TP63: variants seen among roughly 807,000 people sequenced by gnomAD.
TP63 encodes the protein tumor protein 63.
In TP63, 17 loss-of-function variants were observed where a neutral mutation model predicts 82.8. The ratio of observed to expected loss-of-function variants is 0.21; its 90% CI spans 0.14 to 0.31. The LOEUF is 0.31. Among genes scored for constraint, TP63 ranks in the 10% least tolerant of loss-of-function variants. The pLI is 1.00. For synonymous variants in TP63, 330 were observed against 321.7 expected, an observed-to-expected ratio of 1.03 and a Z score of -0.28; for missense variants, 648 against 895.3, an observed-to-expected ratio of 0.72 and a Z score of 3.52.
chr3:189,691,891 A>G lies in TP63; in HGVS notation c.63-45849A>G, dbSNP rs183111386. Among the ~76,000 whole-genome samples, 43 of 152,338 alleles carry G rather than the reference A, an allele frequency of 2.8e-4. 2 individuals are homozygous for G. Among genetic ancestry groups the G allele is most frequent in the African/African-American group, 1.0e-3 (42 of 41,580 alleles). On this transcript the variant is annotated intron_variant, in intron 1 of 13. Transcript: ENST00000264731. Reference sequence around the variant, plus strand: ...AGAATATCGTACCTAGAACCATTCAAATAGATCATCTTGCCCAAGTCAATT... The same window carrying G: ...AGAATATCGTACCTAGAACCATTCAGATAGATCATCTTGCCCAAGTCAATT...
At chr3:189,664,675 T>G (rs2108659364) in intron 1 of TP63, among the ~76,000 whole-genome samples, 1 of 152,298 alleles carries the variant, frequency 6.6e-6, no homozygotes, top group South Asian at 2.1e-4. Context: ...CTCTTATTTC[T>G]CCTTTAGTTT....
chr3:189,753,483 G>A (rs1419729816), intron 3 of TP63, among the ~76,000 whole-genome samples: 3 of 151,764 alleles, frequency 2.0e-5, no homozygotes, highest in East Asian at 3.9e-4. Flanking sequence ...GCTTTCTTTT[G>A]ATTTATGTTT....
intron 4 of TP63, among the ~76,000 whole-genome samples, chr3:189,838,852 T>A (rs1713530409): frequency 6.6e-6 from 1 of 152,006 alleles, no homozygotes; most frequent in South Asian, 2.1e-4. Flanking sequence ...TTCCTGTACT[T>A]ATCTAGAATA....
intron 1 of TP63, among the ~76,000 whole-genome samples, chr3:189,688,747 T>A (rs1269025314): frequency 6.6e-6 from 1 of 152,202 alleles, no homozygotes; most frequent in Non-Finnish European, 1.5e-5. Context: ...AATACGTTGT[T>A]GTTTATGTAA....
At chr3:189,835,227 G>A (rs1400010327) in intron 4 of TP63, among the ~76,000 whole-genome samples, 1 of 152,114 alleles carries the variant, frequency 6.6e-6, no homozygotes, top group Non-Finnish European at 1.5e-5. Flanking sequence ...ATACTGTCTA[G>A]AAGGACATAG....
chr3:189,814,476 A>G (rs112656013), intron 4 of TP63, among the ~76,000 whole-genome samples: 1 of 152,138 alleles, frequency 6.6e-6, no homozygotes, highest in East Asian at 1.9e-4. Flanking sequence ...ATAACAAGAT[A>G]ATTTTTACTT....
intron 1 of TP63, among the ~76,000 whole-genome samples, chr3:189,644,706 A>G (rs1054861572): frequency 3.9e-5 from 6 of 152,112 alleles, no homozygotes; most frequent in African/African-American, 1.4e-4. Context: ...TTGAGTGTCC[A>G]AAGTCCATAT....
chr3:189,626,033 C>G, the TP63 span, among the ~76,000 whole-genome samples: 1 of 152,104 alleles, frequency 6.6e-6, no homozygotes, highest in African/African-American at 2.4e-5. Flanking sequence ...TTTCAGTGAC[C>G]TGAAGAGAGA....
At position 189,779,701 on chromosome 3, in the gene TP63, T is replaced by C. The variant is rs535566440; in HGVS notation, c.325-28571T>C. Among the ~76,000 whole-genome samples the C allele has an allele frequency of 2.6e-5, 4 of 152,344 alleles. No homozygotes were observed. The East Asian group carries it at 7.7e-4, about 29-fold the overall frequency. ...CAAACCTGAGTTCCAAGCTCCAGCC[T>C]TAAGTATAGTTTATTGTATGAACTT... On this transcript the variant is annotated intron_variant, in intron 3 of 13. Coordinates refer to ENST00000264731, the MANE Select transcript of TP63 (RefSeq NM_003722.5).
Position 189,881,706 on chromosome 3 carries a change from A to G in TP63, c.1350-4688A>G, listed in dbSNP as rs141251172. ...TCAAGGTCATCAATCGTAACAAGGA[A>G]CTAAAATGCCTAAACTAACTTAAAA... is the stretch of plus-strand genomic sequence containing the variant. On this transcript the variant is annotated intron_variant, in intron 10 of 13. Transcript: ENST00000264731. Among the ~76,000 whole-genome samples the G allele has an allele frequency of 2.8e-3, 419 of 152,288 alleles. 3 individuals carry two copies. Among genetic ancestry groups the G allele is most frequent in the African/African-American group, 9.6e-3 (401 of 41,566 alleles).
upstream of TP63, among the ~76,000 whole-genome samples, chr3:189,630,239 G>T (rs543216686): frequency 1.3e-5 from 2 of 152,246 alleles, no homozygotes; most frequent in Non-Finnish European, 2.9e-5. Context: ...CCTGTGACTA[G>T]GGGGTGAAGG....
rs1577217503 is a variant in TP63, at chr3:189,896,378, A to G, written c.*1876A>G. On this transcript the variant is annotated 3_prime_UTR_variant, in exon 14 of 14. Coordinates refer to ENST00000264731, the MANE Select transcript of TP63 (RefSeq NM_003722.5). ...TTGTATTTTCATGAAAATACCATTT[A>G]GTAAGAATACCACATCAAATAAGAA... 3 of 201,600 alleles carry G rather than the reference A, an allele frequency of 1.5e-5. No homozygotes were observed. The East Asian group carries it at 2.3e-4, about 15-fold the overall frequency. The allele number at this position is 201,600 out of a possible 1,614,324, so 12.5% of individuals were successfully genotyped here. A position where few individuals can be genotyped will look rare whatever the true frequency, so the allele number is the denominator to read the frequency against.
chr3:189,805,395 G>T (rs1326962399), intron 3 of TP63, among the ~76,000 whole-genome samples: 3 of 152,094 alleles, frequency 2.0e-5, no homozygotes, highest in African/African-American at 7.2e-5. Flanking sequence ...CATCATCAAA[G>T]ACAGATAATT....
In TP63 at chr3:189,715,388, T is replaced by A. The variant is rs1486450473; in HGVS notation, c.63-22352T>A. ...TCTTTTAATCTAAAACAGGAAGCAT[T>A]GAGGGTATGTTCTGATCACTTAGAA... On this transcript the variant is annotated intron_variant, in intron 1 of 13. Coordinates refer to ENST00000264731, the MANE Select transcript of TP63 (RefSeq NM_003722.5). Among the ~76,000 whole-genome samples the A allele has an allele frequency of 2.6e-5, 4 of 152,184 alleles. No individual in the cohort carries two copies. In the East Asian group the frequency reaches 7.7e-4, roughly 29 times the overall value.
chr3:189,783,315 T>C (rs1340897840), intron 3 of TP63, among the ~76,000 whole-genome samples: 1 of 151,990 alleles, frequency 6.6e-6, no homozygotes, highest in Non-Finnish European at 1.5e-5. Context: ...ATTTAGTATG[T>C]GTACACCTGG....
rs200642646 is a variant in TP63 at position 189,634,350 on chromosome 3, GA to G, written c.62+2782del. ...AATTTATGAATTCCCTTACAGAATAGAAAAAAAAATGACAGATGTTATCTTT... is the reference window on the plus strand; with the variant it reads ...AATTTATGAATTCCCTTACAGAATAGAAAAAAAATGACAGATGTTATCTTT... On this transcript the variant is annotated intron_variant, in intron 1 of 13. Coordinates refer to ENST00000264731, the MANE Select transcript of TP63 (RefSeq NM_003722.5). 8.0e-5 allele frequency among the ~76,000 whole-genome samples: 12 copies of G among 150,140 alleles called. No individual in the cohort carries two copies. In the East Asian group the frequency reaches 1.4e-3, roughly 17 times the overall value.
At chr3:189,863,020 G>A (rs1263477226) in intron 4 of TP63, among the ~76,000 whole-genome samples, 8 of 152,198 alleles carry the variant, frequency 5.3e-5, no homozygotes, top group Non-Finnish European at 1.5e-5. Flanking sequence ...AAGAAATAAA[G>A]CAACATTTTA....
chr3:189,625,527 A>ATTG, the TP63 span, among the ~76,000 whole-genome samples: 1 of 152,162 alleles, frequency 6.6e-6, no homozygotes, highest in Non-Finnish European at 1.5e-5. Flanking sequence ...TATTAAGACA[A>ATTG]TTGTCAAATC....
At chr3:189,676,604 T>C (rs1715419681) in intron 1 of TP63, among the ~76,000 whole-genome samples, 1 of 151,586 alleles carries the variant, frequency 6.6e-6, no homozygotes, top group African/African-American at 2.4e-5. Flanking sequence ...TAAAAAAAAA[T>C]AGACTTAGGG....
Sources: gnomAD v4.1 joint callset for allele counts (sites outside exome capture counted in the v4.1 genomes callset) on GRCh38, gnomAD v4.1.1 for gene constraint, MANE v1.5 for transcripts, NCBI Gene and HGNC (gene_info 2026-07-23, HGNC 2026-07-21) for gene names.